RCAN1: variants seen among roughly 807,000 people sequenced by gnomAD.
RCAN1 encodes regulator of calcineurin 1.
RCAN1 carries 11 observed loss-of-function variants against 22.9 expected under a neutral mutation model. The ratio of observed to expected loss-of-function variants is 0.48; its 90% CI spans 0.30 to 0.79. The LOEUF is 0.79. Among genes scored for constraint, RCAN1 ranks in the 30% least tolerant of loss-of-function variants. The pLI, the probability that RCAN1 is intolerant of heterozygous loss-of-function variation, is 0.06. For synonymous variants in RCAN1, 136 were observed against 142.3 expected, an observed-to-expected ratio of 0.96 and a Z score of 0.32; for missense variants, 291 against 337.8, an observed-to-expected ratio of 0.86 and a Z score of 1.09.
At chr21:34,530,619 T>G (rs952015931) in intron 1 of RCAN1, among the ~76,000 whole-genome samples, 1 of 87,228 alleles carries the variant, frequency 1.1e-5, no homozygotes, top group African/African-American at 7.5e-5. Context: ...TGAAATAGTT[T>G]TTTTTTTTTT....
At chr21:34,582,980 T>G (rs187057013) in intron 1 of RCAN1, among the ~76,000 whole-genome samples, 1 of 151,800 alleles carries the variant, frequency 6.6e-6, no homozygotes, top group South Asian at 2.1e-4. Flanking sequence ...AGAGAGAGCC[T>G]CTTGCTGGTT....
At chr21:34,585,671 A>G (rs1264064266) in intron 1 of RCAN1, among the ~76,000 whole-genome samples, 2 of 133,720 alleles carry the variant, frequency 1.5e-5, no homozygotes, top group Non-Finnish European at 3.1e-5. Flanking sequence ...TGAACCCAGG[A>G]GGCGGAGCTT....
chr21:34,549,968 C>A (rs557545588), intron 1 of RCAN1, among the ~76,000 whole-genome samples: 18 of 152,056 alleles, frequency 1.2e-4, no homozygotes, highest in Non-Finnish European at 4.4e-5. Flanking sequence ...GATGTGCCTG[C>A]TGGTGGTGGC....
chr21:34,526,538 T>G, intron 1 of RCAN1: 1 of 934,618 alleles, frequency 1.1e-6, no homozygotes, highest in Non-Finnish European at 1.5e-6. Context: ...TCGAAAGACT[T>G]TGGATTTCTT....
At position 34,556,429 on chromosome 21, in the gene RCAN1, A is replaced by AAAAAATAATAAT. The variant is rs139994182; in HGVS notation, c.253-32720_253-32719insATTATTATTTTT. ...TGACAGACTGAGACCTTGTCTCAAA[A>AAAAAATAATAAT]AATAATAATAATAATAATAATAATA... On this transcript the variant is annotated intron_variant, in intron 1 of 3. Coordinates refer to ENST00000313806, the MANE Select transcript of RCAN1 (RefSeq NM_004414.7). Among the ~76,000 whole-genome samples, 9 of 145,546 alleles carry AAAAAATAATAAT rather than the reference A, an allele frequency of 6.2e-5. 1 individual carries two copies. Among genetic ancestry groups the AAAAAATAATAAT allele is most frequent in the Admixed American group, 2.1e-4 (3 of 14,532 alleles).
intron 1 of RCAN1, among the ~76,000 whole-genome samples, chr21:34,540,162 C>T (rs974963015): frequency 1.3e-5 from 2 of 152,198 alleles, no homozygotes; most frequent in Non-Finnish European, 2.9e-5. Context: ...CTCCCCATTA[C>T]AGCATTAATG....
chr21:34,569,444 G>A (rs752578401), intron 1 of RCAN1, among the ~76,000 whole-genome samples: 2 of 152,082 alleles, frequency 1.3e-5, no homozygotes, highest in Non-Finnish European at 1.5e-5. Context: ...ACTAACAAAC[G>A]CACCTTTCTT....
At chr21:34,523,864 C>T (rs904774690) in intron 1 of RCAN1, 154 bp from the exon 2 acceptor site, 1 of 511,742 alleles carries the variant, frequency 2.0e-6, no homozygotes, top group African/African-American at 2.0e-5. Context: ...CTCACTGCAA[C>T]CTCCACCTCC....
At chr21:34,548,147 C>T (rs779003082) in intron 1 of RCAN1, among the ~76,000 whole-genome samples, 2 of 152,092 alleles carry the variant, frequency 1.3e-5, no homozygotes, top group African/African-American at 2.4e-5. Flanking sequence ...TATAGCAGCC[C>T]GAGCAGATGA....
chr21:34,576,855 A>T (rs1386198506), intron 1 of RCAN1, among the ~76,000 whole-genome samples: 1 of 152,236 alleles, frequency 6.6e-6, no homozygotes, highest in African/African-American at 2.4e-5. Flanking sequence ...TTTCTAAAGG[A>T]GCTGCTAACT....
In RCAN1 at chr21:34,615,029, C is replaced by A; in HGVS notation, c.-18G>T. On this transcript the variant is annotated 5_prime_UTR_variant, in exon 1 of 4. Coordinates refer to ENST00000313806, the MANE Select transcript of RCAN1 (RefSeq NM_004414.7). ...TCCTCCATCCCCGCGCCCGCGCGACCCTGTGCGCCCCAGCGGGCTGCTCCG... is the reference window on the plus strand; with the variant it reads ...TCCTCCATCCCCGCGCCCGCGCGACACTGTGCGCCCCAGCGGGCTGCTCCG... The A allele has an allele frequency of 9.6e-7, 1 of 1,040,548 alleles. No homozygotes were observed. Among genetic ancestry groups the A allele is most frequent in the Non-Finnish European group, 1.2e-6 (1 of 868,402 alleles). The allele number at this position is 1,040,548 out of a possible 1,614,324, so 64.5% of individuals were successfully genotyped here.
At chr21:34,589,002 C>A (rs997824391) in intron 1 of RCAN1, among the ~76,000 whole-genome samples, 2 of 152,032 alleles carry the variant, frequency 1.3e-5, no homozygotes, top group African/African-American at 4.8e-5. Flanking sequence ...TTGCCAGGGG[C>A]TGAGGGAAGA....
At chr21:34,571,418 C>T (rs1987230626) in intron 1 of RCAN1, among the ~76,000 whole-genome samples, 2 of 152,174 alleles carry the variant, frequency 1.3e-5, no homozygotes, top group African/African-American at 4.8e-5. Context: ...CAATTAAATA[C>T]ATTTTACAAA....
intron 1 of RCAN1, among the ~76,000 whole-genome samples, chr21:34,605,465 C>T (rs530437939): frequency 6.6e-6 from 1 of 152,134 alleles, no homozygotes; most frequent in East Asian, 1.9e-4. Flanking sequence ...CTAGAGAACC[C>T]TAATATAATA....
At chr21:34,568,253 CT>C (rs1987104246) in intron 1 of RCAN1, among the ~76,000 whole-genome samples, 1 of 152,222 alleles carries the variant, frequency 6.6e-6, no homozygotes, top group South Asian at 2.1e-4. Flanking sequence ...AATCTAGACA[CT>C]TTTTTGTGCT....
intron 1 of RCAN1, among the ~76,000 whole-genome samples, chr21:34,586,137 C>T (rs867781826): frequency 1.3e-5 from 2 of 152,090 alleles, no homozygotes; most frequent in East Asian, 1.9e-4. Flanking sequence ...TAAGAATAGA[C>T]GAAATTCAGT....
chr21:34,544,053 A>C (rs1986029771), intron 1 of RCAN1, among the ~76,000 whole-genome samples: 2 of 152,272 alleles, frequency 1.3e-5, no homozygotes, highest in Non-Finnish European at 1.5e-5. Flanking sequence ...TAGAATGTGC[A>C]TAGGTAGGTG....
intron 1 of RCAN1, among the ~76,000 whole-genome samples, chr21:34,581,074 C>T (rs1177467701): frequency 6.6e-6 from 1 of 152,118 alleles, no homozygotes; most frequent in Non-Finnish European, 1.5e-5. Flanking sequence ...GAGATGGACC[C>T]ACCGTTGTCT....
chr21:34,556,108 C>CAA (rs10541076), intron 1 of RCAN1, among the ~76,000 whole-genome samples: 1 of 118,646 alleles, frequency 8.4e-6, no homozygotes, highest in South Asian at 2.9e-4. Context: ...AATTAAAGGC[C>CAA]AAAAAAAAAA....
Sources: gnomAD v4.1 joint callset for allele counts (sites outside exome capture counted in the v4.1 genomes callset) on GRCh38, gnomAD v4.1.1 for gene constraint, MANE v1.5 for transcripts, NCBI Gene and HGNC (gene_info 2026-07-23, HGNC 2026-07-21) for gene names.